PIDD1: variants seen among roughly 807,000 people sequenced by gnomAD.
PIDD1 encodes the protein p53-induced death domain protein 1.
A neutral mutation model predicts 80.0 loss-of-function variants in PIDD1; 72 were observed. That is an observed-to-expected ratio of 0.90 (90% confidence interval 0.74 to 1.09). PIDD1 has a LOEUF of 1.09. Among genes scored for constraint, PIDD1 ranks in the 50% least tolerant of loss-of-function variants. The pLI, the probability that PIDD1 is intolerant of heterozygous loss-of-function variation, is 0.00. For missense variants in PIDD1, 1,329 were observed against 1,228.3 expected (o/e 1.08, Z -1.23); for synonymous variants, 655 against 543.5 (o/e 1.21, Z -2.85).
In PIDD1 at chr11:799,903, C is replaced by A; in HGVS notation, c.2386G>T (p.Ala796Ser). The change falls in exon 15 of 16, where the codon GCT becomes TCT. Residue 796 changes from alanine (A) to serine (S), a missense_variant. By Grantham distance (99) the Ala-to-Ser change is moderately conservative. Transcript: ENST00000347755. ...GGCCAGTCCAGACCCAGACGCCCAGCCACACTCAGCAGGTTGCTCTGCGTC... is the reference window on the plus strand; with the variant it reads ...GGCCAGTCCAGACCCAGACGCCCAGACACACTCAGCAGGTTGCTCTGCGTC... Reference protein sequence around the residue: ...FLTQSNLLSVAGRLGLDWPAV... With the variant: ...FLTQSNLLSVSGRLGLDWPAV... 1.3e-5 allele frequency: 21 copies of A among 1,612,520 alleles called. No individual in the cohort carries two copies. Among genetic ancestry groups the A allele is most frequent in the Non-Finnish European group, 1.8e-5 (21 of 1,179,886 alleles).
At position 800,796 on chromosome 11, in the gene PIDD1, T is replaced by A. The variant is rs1359472344; in HGVS notation, c.1883A>T (p.Glu628Val). 6.4e-7 allele frequency: 1 copy of A among 1,555,742 alleles called. No individual in the cohort carries two copies. The highest frequency in any genetic ancestry group is 8.7e-7 in the Non-Finnish European group (1 of 1,150,574). The change falls in exon 11 of 16, where the codon GAG becomes GTG. Residue 628 changes from glutamate to valine, a missense_variant. Coordinates refer to ENST00000347755, the MANE Select transcript of PIDD1 (RefSeq NM_145886.4). ...GGGCAGGCACTGCAGCAGGACCTGC[T>A]CAGGGTCCCGGCGCCGCTGCAGAGC... ...LIALQRRRDP[E>V]QVLLQCLPRN...
chr11:799,478 C>T lies in PIDD1; in HGVS notation c.2562G>A (p.Val854=), dbSNP rs775901263. ...GCCGGTCACTCTGCTCCAGGGCCTG[C>T]ACCAGGAGCCCCACAGCCCCTGGCT... The part of the protein sequence containing the change: ...AGQPGAVGLL[V]QALEQSDRQD... Residue 854 remains valine (V), a synonymous_variant, in exon 16 of 16, where the codon GTG becomes GTA. Coordinates refer to ENST00000347755, the MANE Select transcript of PIDD1 (RefSeq NM_145886.4). 2 of 1,608,904 alleles carry T rather than the reference C, an allele frequency of 1.2e-6. No homozygotes were observed. Among genetic ancestry groups the T allele is most frequent in the South Asian group, 1.1e-5 (1 of 91,078 alleles).
rs754765282 is a variant in PIDD1 at position 799,529 on chromosome 11, G to A, written c.2511C>T (p.Phe837=). 72 of 1,604,392 alleles carry A rather than the reference G, an allele frequency of 4.5e-5. No individual in the cohort carries two copies. The highest frequency in any genetic ancestry group is 5.6e-5 in the Non-Finnish European group (66 of 1,179,626). The change falls in exon 16 of 16, where the codon TTC becomes TTT. Residue 837 remains phenylalanine, a synonymous_variant. Transcript: ENST00000347755. ...DLDEQIRHML[F]SWAERQAGQP... is the part of the protein sequence containing the mutation. Reference sequence around the variant, plus strand: ...GCCCAGCCTGGCGCTCAGCCCAGGAGAAGAGCATGTGACGGATCTGCTCAT... The same window carrying A: ...GCCCAGCCTGGCGCTCAGCCCAGGAAAAGAGCATGTGACGGATCTGCTCAT...
rs750104105 is a variant in PIDD1, at chr11:803,503, A to T, written c.380T>A (p.Leu127Gln). 6.2e-7 allele frequency: 1 copy of T among 1,613,484 alleles called. No individual in the cohort carries two copies. The highest frequency in any genetic ancestry group is 2.2e-5 in the East Asian group (1 of 44,882). ...LPAGLSGLAH[L>Q]AHLDLSFNSL... ...GTTGAAGCTCAGGTCCAGGTGGGCCAGATGGGCCAGGCCACTCAGACCAGC... is the reference window on the plus strand; with the variant it reads ...GTTGAAGCTCAGGTCCAGGTGGGCCTGATGGGCCAGGCCACTCAGACCAGC... The change falls in exon 3 of 16, where the codon CTG becomes CAG. Residue 127 changes from leucine (L) to glutamine (Q), a missense_variant. Physicochemically the swap from Leu to Gln is moderately radical, Grantham distance 113. Transcript: ENST00000347755.
upstream of PIDD1, among the ~76,000 whole-genome samples, chr11:806,945 A>G (rs554933748): frequency 1.5e-4 from 23 of 152,288 alleles, no homozygotes; most frequent in Admixed American, 1.4e-3. Flanking sequence ...TAATCCCAAC[A>G]TTTTGTGAGG....
upstream of PIDD1, chr11:806,080 CAG>C (rs1221477022): frequency 7.7e-6 from 1 of 129,624 alleles, no homozygotes; most frequent in Admixed American, 9.0e-5. Flanking sequence ...GCCTGGGAGA[CAG>C]AGCAAGACTC....
chr11:801,459 G>A lies in PIDD1; in HGVS notation c.1468C>T (p.Arg490Ter). The change falls in exon 8 of 16, where the codon CGA becomes TGA. Residue 490 changes from arginine (R) to a stop codon, truncating the protein, a stop_gained. Coordinates refer to ENST00000347755, the MANE Select transcript of PIDD1 (RefSeq NM_145886.4). LOFTEE classifies it high-confidence loss of function. ...CCTGGCCATACCTGCATGGAGACTC[G>A]ACGAGGCTCCTCAGTGGCCCCAGGG... The part of the protein sequence containing the change: ...FPPGATEEPR[R>*]VSMQVVRMAG... 2 of 1,545,110 alleles carry A rather than the reference G, an allele frequency of 1.3e-6. No homozygotes were observed. Among genetic ancestry groups the A allele is most frequent in the South Asian group, 1.2e-5 (1 of 81,328 alleles).
chr11:803,694 C>T (rs767593664), intron 2 of PIDD1, 107 bp from the exon 3 acceptor site: 9 of 1,258,542 alleles, frequency 7.2e-6, no homozygotes, highest in South Asian at 5.6e-5. Context: ...ACCTCCCACC[C>T]CACCCCCACC....
intron 5 of PIDD1, 36 bp downstream of exon 5, chr11:802,507 C>T: frequency 3.7e-6 from 6 of 1,609,674 alleles, no homozygotes; most frequent in Non-Finnish European, 5.1e-6. Context: ...GACAGGCAGA[C>T]AGACTCCCCT....
At position 803,389 on chromosome 11, in the gene PIDD1, T is replaced by G; in HGVS notation, c.494A>C (p.Glu165Ala). The change falls in exon 3 of 16, where the codon GAG (glutamate) becomes GCG (alanine). Residue 165 changes from glutamate (E) to alanine (A), a missense_variant. Coordinates refer to ENST00000347755, the MANE Select transcript of PIDD1 (RefSeq NM_145886.4). ...GAGGGCGGGGAGGGCCCCCAGAGCC[T>G]CAGGCAGCTCAGAGAGGCAGTTGTG... ...LSHNCLSELP[E>A]ALGALPALTF... 1 of 1,613,874 alleles carries G rather than the reference T, an allele frequency of 6.2e-7. No homozygotes were observed. The highest frequency in any genetic ancestry group is 8.5e-7 in the Non-Finnish European group (1 of 1,179,990).
At chr11:809,472 G>A (rs1865941258), upstream of PIDD1, 2 of 152,296 alleles carry the variant, frequency 1.3e-5, no homozygotes, top group South Asian at 2.1e-4. Flanking sequence ...CCACCAAGGA[G>A]TCAAGGCGAG....
intron 10 of PIDD1, 36 bp from the exon 11 acceptor site, chr11:800,948 TG>T: frequency 6.5e-7 from 1 of 1,546,762 alleles, no homozygotes; most frequent in Non-Finnish European, 8.8e-7. Context: ...CTGTACAGAC[TG>T]GGGGAGGGGG....
Position 802,296 on chromosome 11 carries a change from G to C in PIDD1, c.1075C>G (p.Arg359Gly), listed in dbSNP as rs750179178. 1.9e-6 allele frequency: 3 copies of C among 1,612,198 alleles called. No homozygotes were observed. Among genetic ancestry groups the C allele is most frequent in the Admixed American group, 1.7e-5 (1 of 59,962 alleles). ...AGGCCTGGCTCCGGCAGCAGCAGCC[G>C]ATAGCGGATGGTGATGGGGGTGGCG... ...ATATPITIRY[R>G]LLLPEPGLVP... Residue 359 changes from arginine to glycine, a missense_variant, in exon 6 of 16, where the codon CGG becomes GGG. Transcript: ENST00000347755.
intron 1 of PIDD1, 140 bp downstream of exon 1, chr11:805,039 G>T: frequency 9.7e-6 from 2 of 205,370 alleles, no homozygotes; most frequent in Non-Finnish European, 1.7e-5. Context: ...ACCGCGCACC[G>T]CTCAGACGGC....
In PIDD1 at chr11:803,282, G is replaced by C; in HGVS notation, c.601C>G (p.Leu201Val). The change falls in exon 3 of 16, where the codon CTC becomes GTC. Residue 201 changes from leucine (L) to valine (V), a missense_variant. By Grantham distance (32) the Leu-to-Val change is conservative (BLOSUM62 1). Transcript: ENST00000347755. ...AGCGTGTCCAGCAGATTCTGAGAGAGATCGAGGCGCTGCAGGGTGGATAGG... is the reference window on the plus strand; with the variant it reads ...AGCGTGTCCAGCAGATTCTGAGAGACATCGAGGCGCTGCAGGGTGGATAGG... ...GALSTLQRLD[L>V]SQNLLDTLPP... 1 of 1,613,844 alleles carries C rather than the reference G, an allele frequency of 6.2e-7. No individual in the cohort carries two copies. Among genetic ancestry groups the C allele is most frequent in the Non-Finnish European group, 8.5e-7 (1 of 1,179,984 alleles).
In PIDD1 at chr11:800,103, C is replaced by T. The variant is rs762652840; in HGVS notation, c.2274+28G>A. 9 of 1,606,428 alleles carry T rather than the reference C, an allele frequency of 5.6e-6. No homozygotes were observed. The South Asian group carries it at 8.8e-5, about 16-fold the overall frequency. ...GTCACCCCTGGGCCTCGGTCCTGCC[C>T]CGCCCCTCTGCTGTCCCTCAGTCCC... On this transcript the variant is annotated intron_variant, in intron 14 of 15. Transcript: ENST00000347755.
intron 1 of PIDD1, chr11:804,680 G>C: frequency 2.4e-6 from 1 of 420,862 alleles, no homozygotes; most frequent in East Asian, 4.0e-5. Flanking sequence ...CAGGAGCACC[G>C]GGCAGGGAGA....
chr11:805,026 T>C (rs1865684752), intron 1 of PIDD1, 153 bp downstream of exon 1: 1 of 177,178 alleles, frequency 5.6e-6, no homozygotes, highest in Non-Finnish European at 1.1e-5. Context: ...GGGAGGGTGG[T>C]GCACCGCGCA....
At position 802,320 on chromosome 11, in the gene PIDD1, C is replaced by T. The variant is rs368575597; in HGVS notation, c.1051G>A (p.Ala351Thr). Reference protein sequence around the residue: ...VRLQFPAGATATPITIRYRLL... With the variant: ...VRLQFPAGATTTPITIRYRLL... ...CGATAGCGGATGGTGATGGGGGTGG[C>T]GGTGGCTCCCGCTGGGAACTGCAGG... Residue 351 changes from alanine to threonine, a missense_variant, in exon 6 of 16, where the codon GCC becomes ACC. By Grantham distance (58) the Ala-to-Thr change is moderately conservative. Transcript: ENST00000347755. 19 of 1,611,842 alleles carry T rather than the reference C, an allele frequency of 1.2e-5. No homozygotes were observed. In the African/African-American group the frequency reaches 1.9e-4, roughly 16 times the overall value.
Sources: gnomAD v4.1 joint callset for allele counts (sites outside exome capture counted in the v4.1 genomes callset) on GRCh38, gnomAD v4.1.1 for gene constraint, MANE v1.5 for transcripts, NCBI Gene and HGNC (gene_info 2026-07-23, HGNC 2026-07-21) for gene names.